The following BCAR3 variants were observed in gnomAD, a reference collection of about 807,000 sequenced individuals.
The protein encoded by BCAR3 is BCAR3 adaptor protein, NSP family member.
Under a neutral mutation model 80.1 loss-of-function variants are expected in BCAR3, and 37 were observed. The ratio of observed to expected loss-of-function variants is 0.46; its 90% CI spans 0.36 to 0.61. The LOEUF is 0.61. BCAR3 is among the 20% of genes least tolerant of loss of function. The pLI, the probability that BCAR3 is intolerant of heterozygous loss-of-function variation, is 0.00. For missense variants in BCAR3, 978 were observed against 1,068.2 expected, an observed-to-expected ratio of 0.92 and a Z score of 1.18; for synonymous variants, 389 against 418.9, an observed-to-expected ratio of 0.93 and a Z score of 0.87.
At chr1:93,847,459 C>G (rs1655256225), upstream of BCAR3, 1 of 152,620 alleles carries the variant, frequency 6.6e-6, no homozygotes, top group African/African-American at 2.4e-5. Flanking sequence ...GATGGCAGTG[C>G]CCTGAGCGCG....
At chr1:93,742,457 T>A (rs1481706164) in intron 2 of BCAR3, among the ~76,000 whole-genome samples, 1 of 152,198 alleles carries the variant, frequency 6.6e-6, no homozygotes, top group Non-Finnish European at 1.5e-5. Flanking sequence ...AAATCTCAGT[T>A]AAGTGTTCCT....
intron 2 of BCAR3, among the ~76,000 whole-genome samples, chr1:93,729,146 C>T (rs1411991975): frequency 6.6e-6 from 1 of 152,156 alleles, no homozygotes; most frequent in Non-Finnish European, 1.5e-5. Flanking sequence ...TTGGGGAATG[C>T]TCTCGAAAAC....
chr1:93,787,532 A>C (rs887685962), intron 2 of BCAR3, among the ~76,000 whole-genome samples: 6 of 152,212 alleles, frequency 3.9e-5, no homozygotes, highest in African/African-American at 9.6e-5. Flanking sequence ...TTCAGCTCAA[A>C]AAATTTTTTA....
At position 93,803,012 on chromosome 1, in the gene BCAR3, C is replaced by T. The variant is rs891623603; in HGVS notation, c.-63+42555G>A. Among the ~76,000 whole-genome samples, 5 of 152,324 alleles carry T rather than the reference C, an allele frequency of 3.3e-5. No homozygotes were observed. The South Asian group carries it at 8.3e-4, about 25-fold the overall frequency. On this transcript the variant is annotated intron_variant, in intron 2 of 13. Transcript: ENST00000370244. ...TTACCCCAGAGTTAATCTTCTCCGT[C>T]TCAGGAGATGCTCACCTGTTGAAGC...
chr1:93,777,149 A>G (rs1338380994), intron 2 of BCAR3, among the ~76,000 whole-genome samples: 1 of 152,170 alleles, frequency 6.6e-6, no homozygotes, highest in Non-Finnish European at 1.5e-5. Flanking sequence ...ATTCTTTTCT[A>G]GAGGCTTCAG....
intron 2 of BCAR3, among the ~76,000 whole-genome samples, chr1:93,713,971 A>T (rs866439029): frequency 2.0e-5 from 3 of 152,270 alleles, no homozygotes; most frequent in Non-Finnish European, 4.4e-5. Context: ...AATTAGAAAG[A>T]CAATTTTTAT....
chr1:93,721,994 C>A (rs1650422035), intron 2 of BCAR3, among the ~76,000 whole-genome samples: 1 of 152,218 alleles, frequency 6.6e-6, no homozygotes, highest in Non-Finnish European at 1.5e-5. Flanking sequence ...TTATTATTGT[C>A]TCCCCAAATC....
At chr1:93,580,407 CCA>C (rs1290001846) in intron 7 of BCAR3, among the ~76,000 whole-genome samples, 4 of 151,978 alleles carry the variant, frequency 2.6e-5, no homozygotes, top group Admixed American at 6.6e-5. Flanking sequence ...TGGACCGAGC[CCA>C]CCATCGCCTG....
intron 2 of BCAR3, among the ~76,000 whole-genome samples, chr1:93,664,963 G>A (rs1263321038): frequency 6.7e-6 from 1 of 149,146 alleles, no homozygotes; most frequent in Non-Finnish European, 1.5e-5. Flanking sequence ...TTCTGAAAGA[G>A]TGTGTTTGTA....
upstream of BCAR3, chr1:93,847,896 A>AGCGGCGGCGGCG (rs533240277): frequency 8.3e-6 from 2 of 242,266 alleles, no homozygotes; most frequent in Non-Finnish European, 1.6e-5. Flanking sequence ...TCCTGAGAAG[A>AGCGGCGGCGGCG]GCGGCGGCGG....
upstream of BCAR3, among the ~76,000 whole-genome samples, chr1:93,682,535 C>T (rs925820234): frequency 3.9e-5 from 6 of 152,166 alleles, no homozygotes; most frequent in African/African-American, 1.4e-4. Flanking sequence ...CTGAATCCCC[C>T]CATCCCCAGT....
Position 93,586,450 on chromosome 1 carries a change from T to C in BCAR3, c.930-2329A>G, listed in dbSNP as rs529481887. 6.6e-6 allele frequency among the ~76,000 whole-genome samples: 1 copy of C among 152,356 alleles called. No homozygotes were observed. The highest frequency in any genetic ancestry group is 1.5e-5 in the Non-Finnish European group (1 of 68,034). On this transcript the variant is annotated intron_variant, in intron 5 of 11. Coordinates refer to ENST00000260502, the MANE Select transcript of BCAR3 (RefSeq NM_003567.4). This position sits in a 1 kb window ranked among gnomAD's most constrained non-coding sequence, Gnocchi z 4.2. ...CACATTTCCCTTATCTATTCAGCTG[T>C]TGATGGACACTTAGGCTGCTTCCAA... is the stretch of plus-strand genomic sequence containing the variant.
intron 3 of BCAR3, among the ~76,000 whole-genome samples, chr1:93,686,899 A>G (rs1023760624): frequency 2.7e-4 from 41 of 152,320 alleles, no homozygotes; most frequent in African/African-American, 9.9e-4. Flanking sequence ...AGGTACCACA[A>G]ACTAAATAAC....
At chr1:93,608,162 C>T (rs1443997538) in intron 3 of BCAR3, among the ~76,000 whole-genome samples, 1 of 152,214 alleles carries the variant, frequency 6.6e-6, no homozygotes, top group African/African-American at 2.4e-5. Context: ...AACTAAAAGA[C>T]ATGAAACATA....
chr1:93,614,093 A>C (rs1557860837), intron 3 of BCAR3: 7 of 1,420,696 alleles, frequency 4.9e-6, no homozygotes, highest in South Asian at 4.8e-5. Context: ...CTCCCAGGCT[A>C]GTCTGGGACT....
At chr1:93,729,287 A>T (rs1306106526) in intron 2 of BCAR3, among the ~76,000 whole-genome samples, 1 of 152,104 alleles carries the variant, frequency 6.6e-6, no homozygotes, top group Admixed American at 6.5e-5. Flanking sequence ...ACTGTGCTCA[A>T]AACACTCACG....
intron 2 of BCAR3, among the ~76,000 whole-genome samples, chr1:93,708,604 C>T (rs1285333668): frequency 6.6e-6 from 1 of 152,182 alleles, no homozygotes; most frequent in Non-Finnish European, 1.5e-5. Context: ...AATTCTAGAA[C>T]TGTACTGGCT....
At chr1:93,632,543 A>T (rs1391693365) in intron 3 of BCAR3, among the ~76,000 whole-genome samples, 1 of 152,148 alleles carries the variant, frequency 6.6e-6, no homozygotes, top group African/African-American at 2.4e-5. Flanking sequence ...TATTAAATGC[A>T]TTTTCAACTT....
intron 2 of BCAR3, among the ~76,000 whole-genome samples, chr1:93,659,849 T>C (rs953441844): frequency 2.0e-5 from 3 of 150,614 alleles, no homozygotes; most frequent in Non-Finnish European, 4.5e-5. Context: ...ACACAACTCA[T>C]ACAATCAGTG....
Sources: allele counts gnomAD v4.1 joint callset (sites outside exome capture counted in the v4.1 genomes callset), GRCh38; gene constraint gnomAD v4.1.1; non-coding constraint Gnocchi (gnomAD v3.1); transcripts MANE v1.5; gene names NCBI Gene and HGNC (gene_info 2026-07-23, HGNC 2026-07-21).